The following SPATA7 variants were observed in gnomAD, a reference collection of about 807,000 sequenced individuals.
The protein encoded by SPATA7 is spermatogenesis associated 7, also known as spermatogenesis-associated protein 7.
In SPATA7, 43 loss-of-function variants were observed where a neutral mutation model predicts 51.8. The observed-to-expected ratio is 0.83, with a 90% confidence interval of 0.65 to 1.07. The LOEUF is 1.07. SPATA7 is among the 50% of genes least tolerant of loss of function. The pLI is 0.00. For synonymous variants in SPATA7, 230 were observed against 252.8 expected (o/e 0.91, Z 0.86); for missense variants, 683 against 701.3 (o/e 0.97, Z 0.30).
chr14:88,394,761 T>A (rs1340424115), intron 3 of SPATA7, among the ~76,000 whole-genome samples: 1 of 152,168 alleles, frequency 6.6e-6, no homozygotes, highest in Non-Finnish European at 1.5e-5. Flanking sequence ...ACCATTTACA[T>A]TTCCATTACT....
chr14:88,456,550 C>T (rs1165016986), downstream of SPATA7, among the ~76,000 whole-genome samples: 10 of 152,074 alleles, frequency 6.6e-5, no homozygotes, highest in African/African-American at 1.4e-4. Context: ...TCATATCCTT[C>T]GCCCACTTGT....
chr14:88,393,119 C>T (rs994221938), intron 2 of SPATA7, among the ~76,000 whole-genome samples: 3 of 151,996 alleles, frequency 2.0e-5, no homozygotes, highest in Non-Finnish European at 4.4e-5. Flanking sequence ...AAAAATAGTT[C>T]TGTAAATGTA....
chr14:88,444,358 G>A (rs2077197593), intron 3 of SPATA7, among the ~76,000 whole-genome samples: 1 of 151,890 alleles, frequency 6.6e-6, no homozygotes, highest in African/African-American at 2.4e-5. Context: ...AAATTTGTTT[G>A]AGTTCGTTGT....
chr14:88,416,827 T>C lies in SPATA7; in HGVS notation c.355T>C (p.Phe119Leu), dbSNP rs2076492091. Residue 119 changes from phenylalanine (F) to leucine (L), a missense_variant, in exon 5 of 12, where the codon TTT (phenylalanine) becomes CTT (leucine). Transcript: ENST00000393545. ...TTATAAAAATAATTCCAAGTCACTT[T>C]TTAATACCTTACAAAAGGTAAGATA... ...ANYKNNSKSLFNTLQKPSGEP... is the reference protein window; with the variant it reads ...ANYKNNSKSLLNTLQKPSGEP... The C allele has an allele frequency of 1.3e-6, 2 of 1,597,182 alleles. No individual in the cohort carries two copies. The highest frequency in any genetic ancestry group is 2.2e-5 in the South Asian group (2 of 90,402).
intron 2 of SPATA7, among the ~76,000 whole-genome samples, chr14:88,392,702 T>G (rs1236531565): frequency 2.0e-5 from 3 of 152,180 alleles, no homozygotes; most frequent in Non-Finnish European, 4.4e-5. Flanking sequence ...TTGAATTTTT[T>G]TAACCACATT....
chr14:88,387,941 A>T (rs1156533750), intron 1 of SPATA7, among the ~76,000 whole-genome samples: 1 of 152,002 alleles, frequency 6.6e-6, no homozygotes, highest in African/African-American at 2.4e-5. Flanking sequence ...TTGAAAAAAA[A>T]TTTTTTCCCA....
rs189878732 is a variant in SPATA7, at chr14:88,465,546, A to G, written c.255-4301A>G. ...AACTATTTCATCAAAAGACCCCACT[A>G]ATCAGGAAAACTGATACCAGAGATA... On this transcript the variant is annotated intron_variant, in intron 4 of 4. Transcript: ENST00000556406. 2.1e-5 allele frequency among the ~76,000 whole-genome samples: 3 copies of G among 141,420 alleles called. No homozygotes were observed. In the East Asian group the frequency reaches 5.8e-4, roughly 27 times the overall value. The allele number at this position is 141,420 out of a possible 152,430, so 92.8% of individuals were successfully genotyped here.
downstream of SPATA7, among the ~76,000 whole-genome samples, chr14:88,458,626 A>G (rs182434049): frequency 1.1e-3 from 167 of 151,396 alleles, 2 homozygotes; most frequent in East Asian, 0.024. Flanking sequence ...TTTCTTCTTT[A>G]TTAGTCTTGC....
chr14:88,436,638 A>G (rs2077095664), intron 10 of SPATA7, among the ~76,000 whole-genome samples: 1 of 152,182 alleles, frequency 6.6e-6, no homozygotes, highest in Non-Finnish European at 1.5e-5. Context: ...ATTCTTTTGC[A>G]TATGGGTATC....
intron 1 of SPATA7, among the ~76,000 whole-genome samples, chr14:88,390,426 G>T (rs1177377230): frequency 6.6e-6 from 1 of 152,070 alleles, no homozygotes; most frequent in Admixed American, 6.5e-5. Flanking sequence ...GTTCAGGATG[G>T]CCACCAGCAA....
At position 88,433,171 on chromosome 14, in the gene SPATA7, T is replaced by C. The variant is rs1484488824; in HGVS notation, c.1119T>C (p.Asp373=). 6.2e-7 allele frequency: 1 copy of C among 1,611,896 alleles called. No homozygotes were observed. The highest frequency in any genetic ancestry group is 8.5e-7 in the Non-Finnish European group (1 of 1,179,444). ...EELLYLSFIE[D]VTDEILKLGL... ...TGTTGTATCTGAGTTTCATTGAAGA[T>C]GTAACAGATGAAATTTTGAAACTTG... Residue 373 remains aspartate, a synonymous_variant, in exon 10 of 12, where the codon GAT becomes GAC. Coordinates refer to ENST00000393545, the MANE Select transcript of SPATA7 (RefSeq NM_018418.5).
chr14:88,450,630 C>T (rs2077243882), intron 3 of SPATA7, among the ~76,000 whole-genome samples: 1 of 152,152 alleles, frequency 6.6e-6, no homozygotes, highest in Admixed American at 6.5e-5. Context: ...GGACCCCAAT[C>T]CCTTTTAGCT....
chr14:88,398,425 A>ACAATGAGAT (rs2075959133), intron 4 of SPATA7, among the ~76,000 whole-genome samples: 1 of 145,006 alleles, frequency 6.9e-6, no homozygotes, highest in Admixed American at 7.2e-5. Context: ...TGAGAATTGA[A>ACAATGAGAT]CAATGAGATC....
At position 88,438,359 on chromosome 14, in the gene SPATA7, C is replaced by T. The variant is rs2077150798; in HGVS notation, c.1737C>T (p.Asp579=). 1.3e-5 allele frequency: 21 copies of T among 1,614,080 alleles called. No individual in the cohort carries two copies. The highest frequency in any genetic ancestry group is 1.7e-5 in the Non-Finnish European group (20 of 1,179,986). Residue 579 remains aspartate, a synonymous_variant, in exon 12 of 12, where the codon GAC becomes GAT. Coordinates refer to ENST00000393545, the MANE Select transcript of SPATA7 (RefSeq NM_018418.5). ...GTGTCAAAGGCGACAATAATCATGACATGGAGTTATCAACTCTTAAAATCA... is the reference window on the plus strand; with the variant it reads ...GTGTCAAAGGCGACAATAATCATGATATGGAGTTATCAACTCTTAAAATCA... The part of the protein sequence containing the change: ...FSSVKGDNNH[D]MELSTLKIME...
chr14:88,414,371 G>C (rs1050279328), intron 4 of SPATA7, among the ~76,000 whole-genome samples: 2 of 151,934 alleles, frequency 1.3e-5, no homozygotes, highest in Admixed American at 1.3e-4. Context: ...AGTCTCTAAG[G>C]ATCTTTTCTA....
chr14:88,427,811 CATA>C (rs1423905547), intron 7 of SPATA7, 115 bp downstream of exon 7: 1 of 798,476 alleles, frequency 1.3e-6, no homozygotes. Flanking sequence ...TGGCACTTAT[CATA>C]CATGATATAG....
chr14:88,400,421 G>A (rs1233636837), intron 4 of SPATA7, among the ~76,000 whole-genome samples: 1 of 152,058 alleles, frequency 6.6e-6, no homozygotes, highest in Non-Finnish European at 1.5e-5. Flanking sequence ...AGAAAAAGAA[G>A]AATAAACTAA....
downstream of SPATA7, among the ~76,000 whole-genome samples, chr14:88,443,438 G>T (rs2077191146): frequency 6.6e-6 from 1 of 151,280 alleles, no homozygotes; most frequent in Non-Finnish European, 1.5e-5. Context: ...TTGTTTCTGT[G>T]GTATCGGTTG....
intron 4 of SPATA7, among the ~76,000 whole-genome samples, chr14:88,404,581 G>A (rs958557702): frequency 2.0e-5 from 3 of 152,214 alleles, no homozygotes; most frequent in African/African-American, 7.2e-5. Flanking sequence ...GCCAGGTGTG[G>A]TGGCATGCAC....
Sources: allele counts gnomAD v4.1 joint callset (sites outside exome capture counted in the v4.1 genomes callset), GRCh38; gene constraint gnomAD v4.1.1; transcripts MANE v1.5; gene names NCBI Gene and HGNC (gene_info 2026-07-23, HGNC 2026-07-21).